Variants in TEX9 observed in about 807,000 individuals in gnomAD.
TEX9 encodes testis expressed 9.
Under a neutral mutation model 59.6 loss-of-function variants are expected in TEX9, and 74 were observed. The observed-to-expected ratio is 1.24, with a 90% confidence interval of 1.03 to 1.51. The LOEUF is 1.51. Among genes scored for constraint, TEX9 ranks in the 40% most tolerant of loss-of-function variants. TEX9 has a pLI of 0.00. For synonymous variants in TEX9, 186 were observed against 152.2 expected, an observed-to-expected ratio of 1.22 and a Z score of -1.64; for missense variants, 522 against 447.8, an observed-to-expected ratio of 1.17 and a Z score of -1.49.
intron 4 of TEX9, 51 bp from the exon 5 acceptor site, chr15:56,388,421 C>T (rs2048056646): frequency 1.5e-6 from 2 of 1,346,496 alleles, no homozygotes; most frequent in Non-Finnish European, 2.1e-6. Context: ...TTCATTGTCT[C>T]AGCTCAGTGT....
intron 10 of TEX9, chr15:56,421,695 C>G (rs2049983772): frequency 6.6e-6 from 1 of 151,652 alleles, no homozygotes; most frequent in South Asian, 2.1e-4. Flanking sequence ...CAATTCCCAC[C>G]TATGAGTGAG....
intron 1 of TEX9, among the ~76,000 whole-genome samples, chr15:56,301,667 A>C (rs1042652919): frequency 4.6e-5 from 7 of 152,078 alleles, no homozygotes; most frequent in Admixed American, 2.0e-4. Context: ...AAAAAAAAAA[A>C]ACTTTTACCC....
At chr15:56,288,321 T>C (rs2045001608) in intron 1 of TEX9, among the ~76,000 whole-genome samples, 1 of 152,148 alleles carries the variant, frequency 6.6e-6, no homozygotes, top group South Asian at 2.1e-4. Context: ...GAATTTTTTT[T>C]TACTAATTAG....
At chr15:56,321,658 G>A (rs2045907219) in intron 1 of TEX9, among the ~76,000 whole-genome samples, 1 of 152,100 alleles carries the variant, frequency 6.6e-6, no homozygotes. Flanking sequence ...CTTCTAACCA[G>A]CCTAGCTGAG....
chr15:56,319,353 C>T (rs1037688532), intron 1 of TEX9, among the ~76,000 whole-genome samples: 4 of 124,934 alleles, frequency 3.2e-5, no homozygotes, highest in Non-Finnish European at 7.6e-5. Context: ...GCAGAAGACT[C>T]TTACCAACTG....
At chr15:56,396,572 T>TG (rs1258479144) in intron 9 of TEX9, 1 of 150,954 alleles carries the variant, frequency 6.6e-6, no homozygotes, top group African/African-American at 2.4e-5. Flanking sequence ...GAATCTGTTT[T>TG]TTTTTTTTTT....
At chr15:56,347,745 A>G (rs1019861071) in intron 1 of TEX9, among the ~76,000 whole-genome samples, 7 of 152,110 alleles carry the variant, frequency 4.6e-5, no homozygotes, top group African/African-American at 1.7e-4. Flanking sequence ...TGATCTATAA[A>G]AAGAAAAACT....
intron 9 of TEX9, chr15:56,398,381 A>G (rs2048584740): frequency 6.6e-6 from 1 of 152,158 alleles, no homozygotes; most frequent in Admixed American, 6.5e-5. Flanking sequence ...TTGTAATTAC[A>G]TATGTATTCT....
intron 1 of TEX9, among the ~76,000 whole-genome samples, chr15:56,245,402 T>G (rs748308803): frequency 6.6e-6 from 1 of 152,204 alleles, no homozygotes; most frequent in African/African-American, 2.4e-5. Context: ...AACTACCCAT[T>G]GCACGAGTTG....
intron 1 of TEX9, among the ~76,000 whole-genome samples, chr15:56,357,847 C>T (rs1186189046): frequency 6.6e-6 from 1 of 151,982 alleles, no homozygotes; most frequent in African/African-American, 2.4e-5. Context: ...AATAGATTTT[C>T]TCTATTTCAC....
At chr15:56,429,101 T>G in intron 12 of TEX9, 1 of 1,577,386 alleles carries the variant, frequency 6.3e-7, no homozygotes, top group Non-Finnish European at 8.6e-7. Context: ...TTTGATGATA[T>G]CATTTCTCTT....
intron 10 of TEX9, among the ~76,000 whole-genome samples, chr15:56,420,686 A>G (rs1315973484): frequency 1.3e-5 from 2 of 151,816 alleles, no homozygotes; most frequent in Non-Finnish European, 2.9e-5. Context: ...GCATTTAAAC[A>G]CTGTAAATGT....
At chr15:56,438,671 G>T (rs1041502820) in intron 12 of TEX9, among the ~76,000 whole-genome samples, 2 of 152,104 alleles carry the variant, frequency 1.3e-5, no homozygotes, top group Admixed American at 6.5e-5. Context: ...AAGAGCTTCC[G>T]CACAGCAAAA....
At chr15:56,295,126 C>A (rs2045188225) in intron 1 of TEX9, among the ~76,000 whole-genome samples, 1 of 152,016 alleles carries the variant, frequency 6.6e-6, no homozygotes, top group Admixed American at 6.6e-5. Flanking sequence ...CTTTATGGAA[C>A]AAGTGCAGTA....
intron 1 of TEX9, among the ~76,000 whole-genome samples, chr15:56,336,788 A>G (rs1483616515): frequency 6.6e-6 from 1 of 152,058 alleles, no homozygotes; most frequent in African/African-American, 2.4e-5. Flanking sequence ...AGGGCAAGGG[A>G]ATTGGGCCCT....
intron 10 of TEX9, among the ~76,000 whole-genome samples, chr15:56,412,965 A>C (rs984537828): frequency 1.4e-4 from 22 of 152,064 alleles, no homozygotes; most frequent in African/African-American, 5.3e-4. Flanking sequence ...GTTCCCAGGT[A>C]AATTATTGTA....
At chr15:56,309,693 G>GGTTTTTTTT (rs2045560814) in intron 1 of TEX9, among the ~76,000 whole-genome samples, 1 of 60,772 alleles carries the variant, frequency 1.6e-5, no homozygotes, top group Non-Finnish European at 2.8e-5. Flanking sequence ...TTTATGGGAA[G>GGTTTTTTTT]TTTTTTTTTT....
chr15:56,413,678 TTAACA>T (rs1332371724), intron 10 of TEX9, among the ~76,000 whole-genome samples: 2 of 151,824 alleles, frequency 1.3e-5, no homozygotes, highest in African/African-American at 4.9e-5. Flanking sequence ...CTTATTTCAC[TTAACA>T]TAATGTTAAG....
chr15:56,267,705 G>C (rs2044421017), intron 1 of TEX9, among the ~76,000 whole-genome samples: 6 of 152,184 alleles, frequency 3.9e-5, no homozygotes, highest in Admixed American at 2.6e-4. Flanking sequence ...TTTGGTACCA[G>C]TACCATGCTG....
Sources: gnomAD v4.1 joint callset for allele counts (sites outside exome capture counted in the v4.1 genomes callset) on GRCh38, gnomAD v4.1.1 for gene constraint, MANE v1.5 for transcripts, NCBI Gene and HGNC (gene_info 2026-07-23, HGNC 2026-07-21) for gene names.